RPS6KC1: variants seen among roughly 807,000 people sequenced by gnomAD.
The protein encoded by RPS6KC1 is inactive ribosomal protein S6 kinase delta-1.
RPS6KC1 carries 54 observed loss-of-function variants against 103.8 expected under a neutral mutation model. The observed-to-expected ratio is 0.52, with a 90% CI of 0.42 to 0.65. The LOEUF is 0.65. RPS6KC1 is among the 30% of genes least tolerant of loss of function. The pLI is 0.00. For missense variants in RPS6KC1, 1,151 were observed against 1,253.8 expected, an observed-to-expected ratio of 0.92 and a Z score of 1.24; for synonymous variants, 439 against 438.7, an observed-to-expected ratio of 1.00 and a Z score of -0.01.
At chr1:213,166,626 A>C (rs1189866193) in intron 6 of RPS6KC1, among the ~76,000 whole-genome samples, 1 of 152,156 alleles carries the variant, frequency 6.6e-6, no homozygotes, top group Non-Finnish European at 1.5e-5. Context: ...TTTTCCCCCC[A>C]CCAAGACCAG....
intron 12 of RPS6KC1, among the ~76,000 whole-genome samples, chr1:213,257,628 A>G (rs1327952606): frequency 6.6e-6 from 1 of 152,150 alleles, no homozygotes; most frequent in Non-Finnish European, 1.5e-5. Flanking sequence ...CAGCCAGGAA[A>G]TGGTAGCTGC....
At chr1:213,759,067 A>C in the RPS6KC1 span, among the ~76,000 whole-genome samples, 1 of 152,196 alleles carries the variant, frequency 6.6e-6, no homozygotes, top group Non-Finnish European at 1.5e-5. Flanking sequence ...CCATTGGTGC[A>C]GCGAACTTCA....
the RPS6KC1 span, among the ~76,000 whole-genome samples, chr1:213,663,621 G>T: frequency 6.6e-6 from 1 of 152,180 alleles, no homozygotes; most frequent in African/African-American, 2.4e-5. Flanking sequence ...CACCATTAAA[G>T]TTATAAAGTT....
chr1:213,418,671 C>T, the RPS6KC1 span, among the ~76,000 whole-genome samples: 2 of 152,212 alleles, frequency 1.3e-5, no homozygotes, highest in African/African-American at 4.8e-5. Flanking sequence ...GTACAGATTT[C>T]ACACGCCGAT....
At chr1:213,577,752 C>T in the RPS6KC1 span, among the ~76,000 whole-genome samples, 2 of 152,172 alleles carry the variant, frequency 1.3e-5, no homozygotes, top group Non-Finnish European at 2.9e-5. Context: ...CAAAAGGTGA[C>T]TTGGCTGTTC....
At chr1:213,124,878 G>C (rs2084799761) in intron 5 of RPS6KC1, among the ~76,000 whole-genome samples, 1 of 152,124 alleles carries the variant, frequency 6.6e-6, no homozygotes, top group Non-Finnish European at 1.5e-5. Flanking sequence ...ATAATTAAAG[G>C]AATAAGGTGG....
chr1:213,570,477 C>A, the RPS6KC1 span, among the ~76,000 whole-genome samples: 1 of 152,140 alleles, frequency 6.6e-6, no homozygotes, highest in African/African-American at 2.4e-5. Flanking sequence ...AAGAAGCATC[C>A]CCTTTTGCAG....
chr1:213,606,952 T>C, the RPS6KC1 span, among the ~76,000 whole-genome samples: 1 of 152,198 alleles, frequency 6.6e-6, no homozygotes, highest in Non-Finnish European at 1.5e-5. Context: ...AGTATGATCA[T>C]CTCCATTTAC....
the RPS6KC1 span, among the ~76,000 whole-genome samples, chr1:213,357,259 G>T: frequency 6.6e-6 from 1 of 152,140 alleles, no homozygotes; most frequent in Non-Finnish European, 1.5e-5. Flanking sequence ...TGGAGCCCTT[G>T]TTGGAGACAA....
chr1:213,557,528 A>G, the RPS6KC1 span, among the ~76,000 whole-genome samples: 2 of 152,182 alleles, frequency 1.3e-5, no homozygotes, highest in African/African-American at 2.4e-5. Context: ...TCCAGTGCAG[A>G]GCTCTAAGGA....
chr1:213,361,692 C>T, the RPS6KC1 span, among the ~76,000 whole-genome samples: 13 of 152,330 alleles, frequency 8.5e-5, 1 homozygote, highest in South Asian at 2.1e-4. Context: ...AACTGCCCTG[C>T]GGTCATTCTT....
chr1:213,681,941 C>T, the RPS6KC1 span, among the ~76,000 whole-genome samples: 1 of 152,194 alleles, frequency 6.6e-6, no homozygotes, highest in East Asian at 1.9e-4. Context: ...CAATGAGTCC[C>T]AGCCCAACTT....
At chr1:213,612,732 T>C in the RPS6KC1 span, among the ~76,000 whole-genome samples, 1 of 152,186 alleles carries the variant, frequency 6.6e-6, no homozygotes, top group East Asian at 1.9e-4. Context: ...GCTTTTACCC[T>C]GAGACTTCAT....
intron 8 of RPS6KC1, among the ~76,000 whole-genome samples, chr1:213,216,097 G>A (rs945116458): frequency 3.3e-5 from 5 of 152,286 alleles, no homozygotes; most frequent in African/African-American, 9.6e-5. Flanking sequence ...TGGATAAAGA[G>A]TCAAGACCCA....
At chr1:213,760,343 G>C in the RPS6KC1 span, among the ~76,000 whole-genome samples, 18 of 152,220 alleles carry the variant, frequency 1.2e-4, no homozygotes, top group Non-Finnish European at 2.2e-4. Context: ...CCACAATGGA[G>C]TAATGGTTGG....
rs2149203784 is a variant in RPS6KC1 at position 213,274,274 on chromosome 1, A to G, written c.*1640A>G. ...CAGGAACTTATGCAGGTGAGACACA[A>G]GAATGACTTCCTGTGTAGGACTAGT... On this transcript the variant is annotated 3_prime_UTR_variant, in exon 15 of 15. Coordinates refer to ENST00000366960, the MANE Select transcript of RPS6KC1 (RefSeq NM_012424.6). 1.3e-5 allele frequency: 2 copies of G among 152,332 alleles called. No homozygotes were observed. Among genetic ancestry groups the G allele is most frequent in the Middle Eastern group, 3.4e-3 (1 of 294 alleles). The allele number at this position is 152,332 out of a possible 1,614,324, so 9.4% of individuals were successfully genotyped here.
At chr1:213,340,011 G>T in the RPS6KC1 span, among the ~76,000 whole-genome samples, 1 of 152,102 alleles carries the variant, frequency 6.6e-6, no homozygotes, top group South Asian at 2.1e-4. Context: ...TCCTGCCTCA[G>T]CCTCCCGAGT....
At chr1:213,671,401 G>C in the RPS6KC1 span, among the ~76,000 whole-genome samples, 2,980 of 152,190 alleles carry the variant, frequency 0.02, 100 homozygotes, top group African/African-American at 0.068. Context: ...GGGAGATGTT[G>C]GTCAGTGGGT....
the RPS6KC1 span, among the ~76,000 whole-genome samples, chr1:213,860,612 G>A: frequency 6.6e-6 from 1 of 152,114 alleles, no homozygotes; most frequent in African/African-American, 2.4e-5. Flanking sequence ...GCAGAGAAGA[G>A]GCAAAGGAGA....
Sources: gnomAD v4.1 joint callset for allele counts (sites outside exome capture counted in the v4.1 genomes callset) on GRCh38, gnomAD v4.1.1 for gene constraint, MANE v1.5 for transcripts, NCBI Gene and HGNC (gene_info 2026-07-23, HGNC 2026-07-21) for gene names.